WDR36: variants seen among roughly 807,000 people sequenced by gnomAD.
WDR36 encodes WD repeat domain 36, also known as WD repeat-containing protein 36.
In WDR36, 63 loss-of-function variants were observed where a neutral mutation model predicts 112.7. The ratio of observed to expected loss-of-function variants is 0.56; its 90% confidence interval spans 0.46 to 0.69. The LOEUF is 0.69. Among genes scored for constraint, WDR36 ranks in the 30% least tolerant of loss-of-function variants. WDR36 has a pLI of 0.00. For missense variants in WDR36, 1,226 were observed against 1,070.3 expected, an observed-to-expected ratio of 1.15 and a Z score of -2.03; for synonymous variants, 410 against 362.2, an observed-to-expected ratio of 1.13 and a Z score of -1.50.
intron 3 of WDR36, among the ~76,000 whole-genome samples, chr5:111,097,581 A>G (rs920665954): frequency 6.6e-6 from 1 of 152,226 alleles, no homozygotes; most frequent in African/African-American, 2.4e-5. Flanking sequence ...TTTATTATGT[A>G]TAACTTAGCT....
Position 111,092,550 on chromosome 5 carries a change from C to G in WDR36, c.94C>G (p.Arg32Gly), listed in dbSNP as rs779617487. The change falls in exon 1 of 23, where the codon CGG becomes GGG. Residue 32 changes from arginine to glycine, a missense_variant. Coordinates refer to ENST00000513710, the MANE Select transcript of WDR36 (RefSeq NM_139281.3). ...LFSNDIPHVV[R>G]FSALKRRFYV... ...CAGCAACGACATTCCACACGTGGTG[C>G]GGTTCAGCGCGCTCAAGCGCCGGTT... The G allele has an allele frequency of 2.5e-6, 4 of 1,614,200 alleles. No individual in the cohort carries two copies. Among genetic ancestry groups the G allele is most frequent in the South Asian group, 2.2e-5 (2 of 91,084 alleles).
chr5:111,093,024 A>G (rs1752900244), intron 1 of WDR36, among the ~76,000 whole-genome samples: 1 of 152,272 alleles, frequency 6.6e-6, no homozygotes, highest in Non-Finnish European at 1.5e-5. Context: ...CACTCTAGGT[A>G]GAATACATTG....
chr5:111,112,551 C>G (rs185072652), intron 15 of WDR36, among the ~76,000 whole-genome samples: 28 of 152,078 alleles, frequency 1.8e-4, no homozygotes, highest in African/African-American at 6.5e-4. Context: ...CCTCACAACC[C>G]TTAGGTACTA....
At chr5:111,119,247 G>A in intron 17 of WDR36, 127 bp downstream of exon 17, 2 of 774,850 alleles carry the variant, frequency 2.6e-6, no homozygotes, top group Middle Eastern at 2.3e-4. Flanking sequence ...AGTTAACACA[G>A]ATACTTAATT....
At chr5:111,122,075 G>C (rs1753578100) in intron 19 of WDR36, among the ~76,000 whole-genome samples, 2 of 152,156 alleles carry the variant, frequency 1.3e-5, no homozygotes, top group East Asian at 3.8e-4. Context: ...AGTTAAAATT[G>C]CTTCTTTTTA....
chr5:111,119,158 A>G (rs770593326), intron 17 of WDR36, 38 bp downstream of exon 17: 3 of 1,509,846 alleles, frequency 2.0e-6, no homozygotes, highest in Non-Finnish European at 2.8e-6. Flanking sequence ...GGGATGAAGA[A>G]GATTGTATTG....
intron 12 of WDR36, among the ~76,000 whole-genome samples, chr5:111,109,866 C>A (rs965674108): frequency 6.6e-6 from 1 of 151,252 alleles, no homozygotes; most frequent in Non-Finnish European, 1.5e-5. Context: ...TTAACTTTGG[C>A]TTTGTTAATA....
chr5:111,120,489 T>G lies in WDR36; in HGVS notation c.1905-7T>G. 1.2e-6 allele frequency: 2 copies of G among 1,607,544 alleles called. No homozygotes were observed. The highest frequency in any genetic ancestry group is 1.7e-6 in the Non-Finnish European group (2 of 1,174,666). On this transcript the variant is annotated splice_polypyrimidine_tract_variant and splice_region_variant and intron_variant, in intron 17 of 22. Transcript: ENST00000513710. The stretch of plus-strand genomic sequence containing the variant: ...TTTAAAATATTGCTTATGTTTTGAT[T>G]TTTCAGGTCCAATATTTCCCTGTAT...
chr5:111,106,679 A>G (rs747405800), intron 11 of WDR36, among the ~76,000 whole-genome samples: 16 of 151,434 alleles, frequency 1.1e-4, no homozygotes, highest in Non-Finnish European at 1.8e-4. Context: ...AGCTTGAGTC[A>G]TGTTTCTAAA....
At chr5:111,110,652 C>G in intron 13 of WDR36, 136 bp from the exon 14 acceptor site, 1 of 991,654 alleles carries the variant, frequency 1.0e-6, no homozygotes, top group Non-Finnish European at 1.5e-6. Context: ...CCCCTAAAAT[C>G]CAGATTAATT....
intron 16 of WDR36, 22 bp from the exon 17 acceptor site, chr5:111,118,991 A>T: frequency 6.3e-7 from 1 of 1,581,534 alleles, no homozygotes; most frequent in Non-Finnish European, 8.7e-7. Context: ...AAATACTTTT[A>T]ACATGTTAAT....
chr5:111,106,900 C>T (rs775658346), intron 11 of WDR36, among the ~76,000 whole-genome samples: 1 of 151,248 alleles, frequency 6.6e-6, no homozygotes, highest in Admixed American at 6.6e-5. Flanking sequence ...TGTTATCCCC[C>T]CCAGGTAATT....
chr5:111,094,672 A>C (rs988555587), intron 1 of WDR36, among the ~76,000 whole-genome samples: 3 of 152,186 alleles, frequency 2.0e-5, no homozygotes, highest in Non-Finnish European at 4.4e-5. Flanking sequence ...ATTGCCTGCA[A>C]AGCCTAAAAT....
intron 1 of WDR36, among the ~76,000 whole-genome samples, chr5:111,093,805 A>C (rs1270361595): frequency 6.6e-6 from 1 of 152,162 alleles, no homozygotes; most frequent in Non-Finnish European, 1.5e-5. Flanking sequence ...CCCTGTGGTG[A>C]GGAGAGTAAC....
At chr5:111,109,370 G>A (rs1048592871) in intron 12 of WDR36, among the ~76,000 whole-genome samples, 1 of 151,302 alleles carries the variant, frequency 6.6e-6, no homozygotes, top group East Asian at 1.9e-4. Flanking sequence ...ATGTATGTAT[G>A]TAAAACATAT....
chr5:111,101,336 C>G (rs1217743583), intron 5 of WDR36, among the ~76,000 whole-genome samples: 1 of 151,788 alleles, frequency 6.6e-6, no homozygotes, highest in Non-Finnish European at 1.5e-5. Flanking sequence ...TCTATGAGAT[C>G]CATCAGAAAA....
rs1389106484 is a variant in WDR36 at position 111,110,213 on chromosome 5, A to C, written c.1351A>C (p.Asn451His). The change falls in exon 13 of 23, where the codon AAC (asparagine) becomes CAC (histidine). Residue 451 changes from asparagine (N) to histidine (H), a missense_variant. By Grantham distance (68) the Asn-to-His change is moderately conservative. Coordinates refer to ENST00000513710, the MANE Select transcript of WDR36 (RefSeq NM_139281.3). ...GGCAGTGGATATAACTTCTTGTGGA[A>C]ACTTTGCTGTAATTGGCCTCTCATC... The part of the protein sequence containing the change: ...ATAVDITSCG[N>H]FAVIGLSSGT... 6.2e-7 allele frequency: 1 copy of C among 1,610,796 alleles called. No homozygotes were observed. The highest frequency in any genetic ancestry group is 8.5e-7 in the Non-Finnish European group (1 of 1,177,558).
At chr5:111,104,092 G>T (rs1753173342) in intron 7 of WDR36, 85 bp from the exon 8 acceptor site, 3 of 1,428,728 alleles carry the variant, frequency 2.1e-6, no homozygotes, top group East Asian at 4.9e-5. Flanking sequence ...CTAACTTTAT[G>T]GATTAAAAGG....
rs1012207415 is a variant in WDR36, at chr5:111,108,268, G to GT, written c.1326+836dup. On this transcript the variant is annotated intron_variant, in intron 12 of 22. Transcript: ENST00000513710. ...TTTTGTTTTTGTTTTGTTTTGTTTT[G>GT]TTTTTTTATTTTGGATTGTTCATTG... Among the ~76,000 whole-genome samples the GT allele has an allele frequency of 1.6e-4, 24 of 150,384 alleles. 1 individual carries two copies. In the South Asian group the frequency reaches 3.4e-3, roughly 21 times the overall value.
Sources: allele counts gnomAD v4.1 joint callset (sites outside exome capture counted in the v4.1 genomes callset), GRCh38; gene constraint gnomAD v4.1.1; transcripts MANE v1.5; gene names NCBI Gene and HGNC (gene_info 2026-07-23, HGNC 2026-07-21).